The following CPNE4 variants were observed in gnomAD, a reference collection of about 807,000 sequenced individuals.
CPNE4 encodes copine-4.
Under a neutral mutation model 67.9 loss-of-function variants are expected in CPNE4, and 25 were observed. That is an observed-to-expected ratio of 0.37 (90% CI 0.27 to 0.51). The LOEUF (loss-of-function observed/expected upper bound fraction) is 0.51, where lower values mean the gene tolerates loss of function less well. Among genes scored for constraint, CPNE4 ranks in the 20% least tolerant of loss-of-function variants. CPNE4 has a pLI of 0.93. For synonymous variants in CPNE4, 242 were observed against 244.9 expected, an observed-to-expected ratio of 0.99 and a Z score of 0.11; for missense variants, 464 against 690.8, an observed-to-expected ratio of 0.67 and a Z score of 3.68.
intron 1 of CPNE4, among the ~76,000 whole-genome samples, chr3:131,974,659 A>C (rs1158059166): frequency 6.6e-6 from 1 of 152,186 alleles, no homozygotes; most frequent in East Asian, 1.9e-4. Context: ...AACAGGGCCA[A>C]GCCTATCTGC....
At chr3:131,719,360 T>A (rs2081820949) in intron 3 of CPNE4, among the ~76,000 whole-genome samples, 1 of 152,230 alleles carries the variant, frequency 6.6e-6, no homozygotes, top group African/African-American at 2.4e-5. Flanking sequence ...ATTCCTGTCC[T>A]TCCCAGGCTG....
intron 1 of CPNE4, among the ~76,000 whole-genome samples, chr3:131,981,888 G>A (rs2072918124): frequency 6.6e-6 from 1 of 152,130 alleles, no homozygotes; most frequent in Non-Finnish European, 1.5e-5. Context: ...GGGAGAGGAG[G>A]GTCTCCCTTT....
chr3:131,774,850 A>C (rs991698916), intron 2 of CPNE4, among the ~76,000 whole-genome samples: 2 of 152,110 alleles, frequency 1.3e-5, no homozygotes, highest in Non-Finnish European at 2.9e-5. Flanking sequence ...ATAGCACCAC[A>C]CTATGTAGCC....
At chr3:131,747,998 C>G (rs1029531350) in intron 2 of CPNE4, among the ~76,000 whole-genome samples, 7 of 152,006 alleles carry the variant, frequency 4.6e-5, no homozygotes, top group Non-Finnish European at 1.0e-4. Flanking sequence ...TGTAGATGCT[C>G]TTTATCAAGC....
intron 2 of CPNE4, among the ~76,000 whole-genome samples, chr3:131,772,829 A>T (rs2083201426): frequency 6.6e-6 from 1 of 152,148 alleles, no homozygotes; most frequent in Non-Finnish European, 1.5e-5. Context: ...CTGGACATAG[A>T]GCTGCCCAGT....
intron 1 of CPNE4, among the ~76,000 whole-genome samples, chr3:132,007,547 C>T (rs1426041748): frequency 2.0e-5 from 3 of 151,870 alleles, no homozygotes; most frequent in African/African-American, 7.3e-5. Flanking sequence ...GTAAGTTGCA[C>T]GTTGACTATC....
At chr3:131,932,143 AG>A (rs2071081492) in intron 1 of CPNE4, among the ~76,000 whole-genome samples, 1 of 152,230 alleles carries the variant, frequency 6.6e-6, no homozygotes, top group Admixed American at 6.5e-5. Context: ...AGGTTTGGAC[AG>A]GAGGACAGGA....
At chr3:132,002,911 C>A (rs1456951137) in intron 1 of CPNE4, among the ~76,000 whole-genome samples, 1 of 152,112 alleles carries the variant, frequency 6.6e-6, no homozygotes, top group Non-Finnish European at 1.5e-5. Context: ...GTCCTTACTA[C>A]TGAAAGTGTG....
At chr3:131,718,087 C>T (rs1283645619) in intron 3 of CPNE4, among the ~76,000 whole-genome samples, 5 of 151,846 alleles carry the variant, frequency 3.3e-5, no homozygotes, top group Non-Finnish European at 7.4e-5. Flanking sequence ...CTCTGCCTCC[C>T]GGGTTCAAGC....
At chr3:131,998,768 T>C (rs187762451) in intron 1 of CPNE4, among the ~76,000 whole-genome samples, 2 of 152,260 alleles carry the variant, frequency 1.3e-5, no homozygotes, top group Admixed American at 1.3e-4. Context: ...GTTCATTCTT[T>C]ATTTGCTTCC....
intron 2 of CPNE4, among the ~76,000 whole-genome samples, chr3:131,892,193 A>C (rs2088144163): frequency 6.6e-6 from 1 of 152,144 alleles, no homozygotes; most frequent in Non-Finnish European, 1.5e-5. Flanking sequence ...CTGAATCCTC[A>C]CAGTTCCCAA....
At chr3:131,696,658 T>G in intron 4 of CPNE4, 42 bp from the exon 5 acceptor site, 3 of 1,556,358 alleles carry the variant, frequency 1.9e-6, no homozygotes, top group Non-Finnish European at 2.7e-6. Context: ...GAGGGTGAAC[T>G]CCTTAGCTCC....
At position 131,542,817 on chromosome 3, in the gene CPNE4, A is replaced by T. The variant is rs1481603681; in HGVS notation, c.1303-24T>A. ...TGCTGCAGTCAGATGCCCCATGATG[A>T]TGGGGGGGGGTGAAGAGGTGAGGGA... On this transcript the variant is annotated intron_variant, in intron 14 of 15. Transcript: ENST00000429747. The T allele has an allele frequency of 2.2e-6, 3 of 1,381,518 alleles. No homozygotes were observed. The Admixed American group carries it at 6.8e-5, about 31-fold the overall frequency. 85.6% of individuals were successfully genotyped at this position (1,381,518 alleles called of 1,614,324 possible). A position where few individuals can be genotyped will look rare whatever the true frequency, so the allele number is the denominator to read the frequency against.
intron 3 of CPNE4, among the ~76,000 whole-genome samples, chr3:131,715,883 T>A (rs1243591101): frequency 1.3e-5 from 2 of 152,168 alleles, no homozygotes; most frequent in African/African-American, 4.8e-5. Context: ...GAAGAGGGGC[T>A]TAGCTCCTTG....
chr3:131,719,671 A>C (rs1390908178), intron 3 of CPNE4, among the ~76,000 whole-genome samples: 2 of 152,158 alleles, frequency 1.3e-5, no homozygotes, highest in African/African-American at 2.4e-5. Context: ...ATTTTCCCAT[A>C]ATAAGGCATC....
At chr3:131,661,765 T>C (rs1269015134) in intron 7 of CPNE4, among the ~76,000 whole-genome samples, 2 of 152,180 alleles carry the variant, frequency 1.3e-5, no homozygotes, top group African/African-American at 4.8e-5. Context: ...GATTTTTTTT[T>C]TCCTGTTACA....
intron 1 of CPNE4, among the ~76,000 whole-genome samples, chr3:131,972,669 T>C (rs1426807334): frequency 2.0e-5 from 3 of 152,124 alleles, no homozygotes; most frequent in Admixed American, 6.6e-5. Context: ...GGCCATATGG[T>C]ACAGAGCTCT....
At position 131,952,454 on chromosome 3, in the gene CPNE4, C is replaced by A. The variant is rs375084407; in HGVS notation, c.-1-47010G>T. Among the ~76,000 whole-genome samples the A allele has an allele frequency of 6.7e-5, 10 of 150,310 alleles. 1 individual carries two copies. The East Asian group carries it at 1.4e-3, about 21-fold the overall frequency. On this transcript the variant is annotated intron_variant, in intron 1 of 15. Coordinates refer to ENST00000429747, the MANE Select transcript of CPNE4 (RefSeq NM_130808.3). ...AGGAGCGTCTCCGCCCAGCAGCCAC[C>A]CCGTCCGGGAGGGAGGTGGGGGGGT...
chr3:132,039,139 G>A (rs979183129), upstream of CPNE4, among the ~76,000 whole-genome samples: 2 of 152,224 alleles, frequency 1.3e-5, no homozygotes, highest in African/African-American at 4.8e-5. Context: ...TATCATTGCA[G>A]AAAGTTTTGT....
Sources: gnomAD v4.1 joint callset for allele counts (sites outside exome capture counted in the v4.1 genomes callset) on GRCh38, gnomAD v4.1.1 for gene constraint, MANE v1.5 for transcripts, NCBI Gene and HGNC (gene_info 2026-07-23, HGNC 2026-07-21) for gene names.